The following CCDC88C variants were observed in gnomAD, a reference collection of about 807,000 sequenced individuals.
CCDC88C encodes the protein protein Daple.
A neutral mutation model predicts 198.8 loss-of-function variants in CCDC88C; 131 were observed. That is an observed-to-expected ratio of 0.66 (90% confidence interval 0.57 to 0.76). The LOEUF is 0.76. Ranked by LOEUF, CCDC88C falls within the 30% of genes least tolerant of loss-of-function variation. The pLI is 0.00. For missense variants in CCDC88C, 2,553 were observed against 2,631.6 expected (o/e 0.97, Z 0.65); for synonymous variants, 1,166 against 1,114.7 (o/e 1.05, Z -0.92).
intron 3 of CCDC88C, among the ~76,000 whole-genome samples, chr14:91,391,253 A>G (rs1490895503): frequency 1.4e-5 from 2 of 143,866 alleles, no homozygotes; most frequent in Non-Finnish European, 3.2e-5. Context: ...AAAACAAAAC[A>G]AAACAAAAAA....
In CCDC88C at chr14:91,352,748, G is replaced by A. The variant is rs187551587; in HGVS notation, c.340+6894C>T. Among the ~76,000 whole-genome samples, 6 of 152,342 alleles carry A rather than the reference G, an allele frequency of 3.9e-5. No individual in the cohort carries two copies. Among genetic ancestry groups the A allele is most frequent in the African/African-American group, 1.4e-4 (6 of 41,584 alleles). Reference sequence around the variant, plus strand: ...GGAAAAGAACACAAGAATGGCTCATGAAGCCTGAGTGGCCGACCCTCAGCC... The same window carrying A: ...GGAAAAGAACACAAGAATGGCTCATAAAGCCTGAGTGGCCGACCCTCAGCC... On this transcript the variant is annotated intron_variant, in intron 4 of 29. Coordinates refer to ENST00000389857, the MANE Select transcript of CCDC88C (RefSeq NM_001080414.4). This position sits in a 1 kb window ranked among gnomAD's most constrained non-coding sequence, Gnocchi z 4.2.
intron 14 of CCDC88C, 102 bp from the exon 15 acceptor site, chr14:91,314,252 G>T: frequency 1.1e-6 from 1 of 930,270 alleles, no homozygotes; most frequent in Non-Finnish European, 1.6e-6. Flanking sequence ...TTGAACGGCT[G>T]TCCTACCTGT....
chr14:91,417,737 G>T lies in CCDC88C; in HGVS notation c.-47C>A, dbSNP rs766388677. The T allele has an allele frequency of 9.0e-6, 13 of 1,436,552 alleles. No homozygotes were observed. In the African/African-American group the frequency reaches 1.3e-4, roughly 15 times the overall value. 89.0% of individuals were successfully genotyped at this position (1,436,552 alleles called of 1,614,324 possible). On this transcript the variant is annotated 5_prime_UTR_variant, in exon 1 of 30. Transcript: ENST00000389857. ...TCCGCGCCCCCCGCCCCGCGTCCCCGTTCCCCCGCGCCGCGGCACAAAACG... is the reference window on the plus strand; with the variant it reads ...TCCGCGCCCCCCGCCCCGCGTCCCCTTTCCCCCGCGCCGCGGCACAAAACG...
At chr14:91,332,429 A>C (rs1892876308) in intron 10 of CCDC88C, among the ~76,000 whole-genome samples, 1 of 152,238 alleles carries the variant, frequency 6.6e-6, no homozygotes, top group African/African-American at 2.4e-5. Flanking sequence ...AGGAGCAAAA[A>C]TAGCTGCCAG....
In CCDC88C at chr14:91,339,870, A is replaced by ACCCGCGGACGCACCTCGGTGCACTCGT. The variant is rs1450898226; in HGVS notation, c.611_624+13dup. On this transcript the variant is annotated intron_variant, in intron 7 of 29. Coordinates refer to ENST00000389857, the MANE Select transcript of CCDC88C (RefSeq NM_001080414.4). This position sits in a 1 kb window ranked among gnomAD's most constrained non-coding sequence, Gnocchi z 5.8. ...CCTTCCCAGGCTGACCGGGCCACCG[A>ACCCGCGGACGCACCTCGGTGCACTCGT]CCCGCGGACGCACCTCGGTGCACTC... is the stretch of plus-strand genomic sequence containing the variant. The ACCCGCGGACGCACCTCGGTGCACTCGT allele has an allele frequency of 6.4e-6, 10 of 1,572,178 alleles. No individual in the cohort carries two copies. The highest frequency in any genetic ancestry group is 8.6e-6 in the Non-Finnish European group (10 of 1,158,566).
chr14:91,304,097 C>A, intron 19 of CCDC88C, 119 bp from the exon 20 acceptor site: 1 of 1,175,724 alleles, frequency 8.5e-7, no homozygotes, highest in East Asian at 2.4e-5. Flanking sequence ...GCAGAAGACC[C>A]AGAGGGTACC....
chr14:91,378,070 G>A (rs547807040), intron 3 of CCDC88C, among the ~76,000 whole-genome samples: 12 of 152,328 alleles, frequency 7.9e-5, no homozygotes, highest in South Asian at 6.2e-4. Context: ...ATGACCTCTG[G>A]CCCTGTGGAG....
chr14:91,368,879 C>A (rs904723392), intron 3 of CCDC88C, among the ~76,000 whole-genome samples: 2 of 152,242 alleles, frequency 1.3e-5, no homozygotes, highest in Non-Finnish European at 2.9e-5. Flanking sequence ...AAAACAAAAA[C>A]CACCTGACGA....
At chr14:91,374,414 A>G (rs1894980037) in intron 3 of CCDC88C, among the ~76,000 whole-genome samples, 2 of 152,234 alleles carry the variant, frequency 1.3e-5, no homozygotes, top group Non-Finnish European at 2.9e-5. Context: ...AGAGGTAAAT[A>G]TATGTCACAT....
At chr14:91,304,715 A>T (rs1431961304) in intron 19 of CCDC88C, among the ~76,000 whole-genome samples, 1 of 152,230 alleles carries the variant, frequency 6.6e-6, no homozygotes, top group East Asian at 1.9e-4. Flanking sequence ...CTCTCCATCC[A>T]ACAACATCCA....
In CCDC88C at chr14:91,272,614, C is replaced by T; in HGVS notation, c.*11G>A. 1 of 1,595,384 alleles carries T rather than the reference C, an allele frequency of 6.3e-7. No individual in the cohort carries two copies. Among genetic ancestry groups the T allele is most frequent in the Middle Eastern group, 1.9e-4 (1 of 5,264 alleles). ...GTAGTTTTCAGGTTTGCGAGCTCAA[C>T]CACGAGACAGTCACACACAGCCGTA... On this transcript the variant is annotated 3_prime_UTR_variant, in exon 30 of 30. Transcript: ENST00000389857.
At chr14:91,314,272 C>T in intron 14 of CCDC88C, 122 bp from the exon 15 acceptor site, 1 of 756,604 alleles carries the variant, frequency 1.3e-6, no homozygotes, top group Non-Finnish European at 2.1e-6. Context: ...TGCTCAGACA[C>T]TGCCTGTGCG....
At chr14:91,340,478 A>G (rs1158437672) in intron 6 of CCDC88C, among the ~76,000 whole-genome samples, 2 of 152,170 alleles carry the variant, frequency 1.3e-5, no homozygotes, top group African/African-American at 4.8e-5. Context: ...TGTTTTCTGG[A>G]TCTATTCATA....
chr14:91,299,659 G>T (rs565696742), intron 21 of CCDC88C, among the ~76,000 whole-genome samples: 1 of 152,332 alleles, frequency 6.6e-6, no homozygotes, highest in East Asian at 1.9e-4. Context: ...ATTCACCTGT[G>T]CCTGATGCAA....
intron 4 of CCDC88C, among the ~76,000 whole-genome samples, chr14:91,349,626 C>T (rs1893697286): frequency 6.6e-6 from 1 of 152,190 alleles, no homozygotes; most frequent in East Asian, 1.9e-4. Context: ...GGGGGAATCC[C>T]AGGACGGCCT....
chr14:91,312,605 A>AATCT (rs1891883284), intron 15 of CCDC88C, among the ~76,000 whole-genome samples: 1 of 152,208 alleles, frequency 6.6e-6, no homozygotes, highest in Non-Finnish European at 1.5e-5. Context: ...GAATCGCTTG[A>AATCT]ATCTGGGAGG....
intron 15 of CCDC88C, among the ~76,000 whole-genome samples, chr14:91,311,902 A>G (rs1891845561): frequency 6.6e-6 from 1 of 152,206 alleles, no homozygotes; most frequent in Non-Finnish European, 1.5e-5. Flanking sequence ...AAGGATGTCT[A>G]GTATTATTTA....
intron 2 of CCDC88C, among the ~76,000 whole-genome samples, chr14:91,410,912 T>C (rs2140017258): frequency 6.6e-6 from 1 of 152,238 alleles, no homozygotes; most frequent in African/African-American, 2.4e-5. Context: ...ATCGTGGACA[T>C]CTCCAGCACG....
chr14:91,303,707 C>T lies in CCDC88C; in HGVS notation c.3629G>A (p.Gly1210Glu). The change falls in exon 20 of 30, where the codon GGG becomes GAG. Residue 1210 changes from glycine (G) to glutamate (E), a missense_variant. Gly to Glu is a moderately conservative substitution (Grantham distance 98). This residue lies in a region of CCDC88C where 1,293 missense variants were observed against 1,219.6 expected (regional missense o/e 1.06). Transcript: ENST00000389857. Reference protein sequence around the residue: ...RNLELEHKELGERHGDMLKRK... With the variant: ...RNLELEHKELEERHGDMLKRK... ...TTCCTTCCCCAGGCCCTACCTCTCC[C>T]CGAGCTCCTTGTGCTCCAGCTCCAG... 1 of 1,585,816 alleles carries T rather than the reference C, an allele frequency of 6.3e-7. No individual in the cohort carries two copies. Among genetic ancestry groups the T allele is most frequent in the East Asian group, 2.3e-5 (1 of 43,534 alleles).
Sources: gnomAD v4.1 joint callset for allele counts (sites outside exome capture counted in the v4.1 genomes callset) on GRCh38, gnomAD v4.1.1 for gene constraint, gnomAD v4.1.1 regional missense constraint, Gnocchi (gnomAD v3.1) non-coding constraint, MANE v1.5 for transcripts, NCBI Gene and HGNC (gene_info 2026-07-23, HGNC 2026-07-21) for gene names.